PVALEF: variants seen among roughly 807,000 people sequenced by gnomAD.
The protein encoded by PVALEF is parvalbumin like EF-hand containing.
Under a neutral mutation model 1.2 loss-of-function variants are expected in PVALEF, and 2 were observed. The observed-to-expected ratio is 1.68, with a 90% CI of 0.69 to 5.28. The LOEUF (loss-of-function observed/expected upper bound fraction) is 5.28, where lower values mean the gene tolerates loss of function less well. Among genes scored for constraint, PVALEF ranks in the 30% most tolerant of loss-of-function variants. The probability of loss-of-function intolerance (pLI) is 0.06; values close to 1 mark genes in which losing one functional copy is unlikely to be tolerated. For synonymous variants in PVALEF, 16 were observed against 6.5 expected (o/e 2.47, Z -2.24); for missense variants, 35 against 17.7 (o/e 1.97, Z -1.75).
chr17:81,166,131 G>T (rs1567833385), intron 1 of PVALEF: 2 of 357,020 alleles, frequency 5.6e-6, no homozygotes, highest in Admixed American at 7.2e-5. Flanking sequence ...GCCCCCCGCC[G>T]CAGCCGCAGA....
intron 6 of PVALEF, among the ~76,000 whole-genome samples, chr17:81,182,591 C>G (rs1208268382): frequency 6.6e-6 from 1 of 152,230 alleles, no homozygotes; most frequent in Non-Finnish European, 1.5e-5. Flanking sequence ...TCTCAGAACT[C>G]AGGCCCCCCA....
At chr17:81,168,793 C>G (rs1399492674) in intron 2 of PVALEF, among the ~76,000 whole-genome samples, 1 of 152,104 alleles carries the variant, frequency 6.6e-6, no homozygotes, top group Non-Finnish European at 1.5e-5. Context: ...CAGGAGAGAG[C>G]CTGGGGGTCT....
At chr17:81,172,366 G>A (rs999893043) in intron 2 of PVALEF, among the ~76,000 whole-genome samples, 2 of 152,212 alleles carry the variant, frequency 1.3e-5, no homozygotes, top group African/African-American at 2.4e-5. Context: ...TTCCACTAAC[G>A]TGAACATGGC....
intron 1 of PVALEF, 134 bp downstream of exon 1, chr17:81,165,881 A>G (rs896426678): frequency 1.1e-4 from 167 of 1,548,826 alleles, no homozygotes; most frequent in Admixed American, 7.5e-4. Context: ...GCCCAGGGGC[A>G]TCACGTCCGC....
chr17:81,173,985 G>C (rs2061528732), intron 2 of PVALEF, among the ~76,000 whole-genome samples: 1 of 152,182 alleles, frequency 6.6e-6, no homozygotes, highest in Non-Finnish European at 1.5e-5. Flanking sequence ...GGAATGCAAG[G>C]ATGGGCCAAC....
At chr17:81,178,209 C>T (rs1264306375) in intron 2 of PVALEF, among the ~76,000 whole-genome samples, 2 of 152,202 alleles carry the variant, frequency 1.3e-5, no homozygotes, top group Non-Finnish European at 2.9e-5. Flanking sequence ...GAGGACAATA[C>T]CCTCCCACCT....
At chr17:81,176,694 T>A (rs1426257259) in intron 2 of PVALEF, among the ~76,000 whole-genome samples, 1 of 151,780 alleles carries the variant, frequency 6.6e-6, no homozygotes, top group African/African-American at 2.4e-5. Flanking sequence ...CCGTGGAAAC[T>A]CTACGGCAGC....
chr17:81,175,169 T>C (rs1326830373), intron 2 of PVALEF, among the ~76,000 whole-genome samples: 1 of 152,150 alleles, frequency 6.6e-6, no homozygotes, highest in Non-Finnish European at 1.5e-5. Context: ...AACAATTCCA[T>C]GTATAGTACC....
chr17:81,166,038 A>G, intron 1 of PVALEF: 1 of 1,427,832 alleles, frequency 7.0e-7, no homozygotes, highest in Non-Finnish European at 9.2e-7. Flanking sequence ...CGCTGCGCTC[A>G]GGACGCCCGC....
At chr17:81,173,131 C>G (rs1274512628) in intron 2 of PVALEF, among the ~76,000 whole-genome samples, 5 of 152,156 alleles carry the variant, frequency 3.3e-5, no homozygotes, top group African/African-American at 1.2e-4. Flanking sequence ...AAGGCCCTAC[C>G]CTATGAGAGA....
At chr17:81,168,765 G>GA (rs1286271583) in intron 2 of PVALEF, among the ~76,000 whole-genome samples, 1 of 152,174 alleles carries the variant, frequency 6.6e-6, no homozygotes, top group Non-Finnish European at 1.5e-5. Context: ...AGGTGTGGTG[G>GA]AAAAGAGGGG....
intron 3 of PVALEF, among the ~76,000 whole-genome samples, chr17:81,180,526 C>T (rs948605555): frequency 2.6e-5 from 4 of 152,216 alleles, no homozygotes; most frequent in African/African-American, 9.6e-5. Flanking sequence ...TCCAGCCCCA[C>T]AGCAGCGGGC....
At chr17:81,167,888 C>CGT (rs1555604597) in intron 2 of PVALEF, among the ~76,000 whole-genome samples, 4 of 152,244 alleles carry the variant, frequency 2.6e-5, no homozygotes, top group Non-Finnish European at 5.9e-5. Flanking sequence ...TGGGCCACCT[C>CGT]GTTCAGTCTG....
chr17:81,171,482 T>A (rs1041607839), intron 2 of PVALEF, among the ~76,000 whole-genome samples: 7 of 152,174 alleles, frequency 4.6e-5, no homozygotes, highest in African/African-American at 1.7e-4. Context: ...AAAGCATGAT[T>A]TCCCACTCCA....
intron 2 of PVALEF, among the ~76,000 whole-genome samples, chr17:81,171,064 G>T (rs2061518864): frequency 6.6e-6 from 1 of 152,228 alleles, no homozygotes. Flanking sequence ...GGGGGTCAGT[G>T]AGACCTGAAC....
rs187923444 is a variant in PVALEF, at chr17:81,166,748, G to T, written c.-436G>T. On this transcript the variant is annotated 5_prime_UTR_variant, in exon 2 of 7. Coordinates refer to ENST00000637878, the MANE Select transcript of PVALEF (RefSeq NM_001354639.2). ...TGGCACCTGTGCTGGTGGAGTGGGG[G>T]TGGCTGGCTTTGCACACAGGCCTGC... 8 of 456,556 alleles carry T rather than the reference G, an allele frequency of 1.8e-5. No homozygotes were observed. Among genetic ancestry groups the T allele is most frequent in the Non-Finnish European group, 3.1e-5 (7 of 226,866 alleles). The allele number at this position is 456,556 out of a possible 1,614,324, so 28.3% of individuals were successfully genotyped here. A position where few individuals can be genotyped will look rare whatever the true frequency, so the allele number is the denominator to read the frequency against.
chr17:81,170,076 G>A (rs1432978249), intron 2 of PVALEF, among the ~76,000 whole-genome samples: 1 of 151,198 alleles, frequency 6.6e-6, no homozygotes, highest in African/African-American at 2.4e-5. Context: ...GTATGTGTGT[G>A]CATATGTGTA....
intron 3 of PVALEF, among the ~76,000 whole-genome samples, chr17:81,179,706 C>A (rs917574184): frequency 1.3e-5 from 2 of 152,194 alleles, no homozygotes; most frequent in African/African-American, 4.8e-5. Flanking sequence ...AGCATCTGCC[C>A]TTGGAGACTG....
At chr17:81,167,281 A>T (rs1051574354) in intron 2 of PVALEF, among the ~76,000 whole-genome samples, 2 of 95,580 alleles carry the variant, frequency 2.1e-5, no homozygotes, top group African/African-American at 5.7e-5. Context: ...TGACAACAAG[A>T]TCTTGTCTCA....
Sources: allele counts gnomAD v4.1 joint callset (sites outside exome capture counted in the v4.1 genomes callset), GRCh38; gene constraint gnomAD v4.1.1; transcripts MANE v1.5; gene names NCBI Gene and HGNC (gene_info 2026-07-23, HGNC 2026-07-21).